SLC20A2: variants seen among roughly 807,000 people sequenced by gnomAD.
The protein encoded by SLC20A2 is sodium-dependent phosphate transporter 2.
Under a neutral mutation model 61.0 loss-of-function variants are expected in SLC20A2, and 30 were observed. That is an observed-to-expected ratio of 0.49 (90% CI 0.37 to 0.67). SLC20A2 has a LOEUF of 0.67. Ranked by LOEUF, SLC20A2 falls within the 30% of genes least tolerant of loss-of-function variation. SLC20A2 has a pLI of 0.00. For synonymous variants in SLC20A2, 351 were observed against 353.3 expected, an observed-to-expected ratio of 0.99 and a Z score of 0.07; for missense variants, 626 against 866.4, an observed-to-expected ratio of 0.72 and a Z score of 3.48.
At chr8:42,455,432 G>A (rs1488574042) in intron 5 of SLC20A2, among the ~76,000 whole-genome samples, 6 of 151,688 alleles carry the variant, frequency 4.0e-5, no homozygotes, top group African/African-American at 1.5e-4. Flanking sequence ...AGGCTGAGGC[G>A]GGCAGATCAT....
chr8:42,436,916 C>T (rs925009026), intron 8 of SLC20A2, 73 bp downstream of exon 8: 1 of 1,378,602 alleles, frequency 7.3e-7, no homozygotes, highest in South Asian at 1.4e-5. Context: ...TGCTGGATCC[C>T]GGCACCCGCA....
chr8:42,431,270 C>G (rs148994288), intron 8 of SLC20A2, among the ~76,000 whole-genome samples: 2 of 152,102 alleles, frequency 1.3e-5, no homozygotes, highest in Non-Finnish European at 2.9e-5. Flanking sequence ...AGCAAAACAG[C>G]CTTAGTGCTG....
intron 1 of SLC20A2, among the ~76,000 whole-genome samples, chr8:42,506,954 C>T (rs1810747086): frequency 6.6e-6 from 1 of 152,180 alleles, no homozygotes; most frequent in African/African-American, 2.4e-5. Context: ...CCCTGGCTTG[C>T]CTACTACAAA....
chr8:42,533,011 A>G (rs192516403), intron 1 of SLC20A2, among the ~76,000 whole-genome samples: 2 of 152,354 alleles, frequency 1.3e-5, no homozygotes, highest in African/African-American at 4.8e-5. Flanking sequence ...GAAAAATATA[A>G]AAGTGGGACC....
At chr8:42,525,492 G>A (rs1811864708) in intron 1 of SLC20A2, among the ~76,000 whole-genome samples, 1 of 142,946 alleles carries the variant, frequency 7.0e-6, no homozygotes, top group African/African-American at 2.6e-5. Context: ...TGAGGCAGGA[G>A]AATTGCTCAC....
chr8:42,451,384 AGAG>A (rs1343094512), intron 5 of SLC20A2, among the ~76,000 whole-genome samples: 5 of 145,932 alleles, frequency 3.4e-5, no homozygotes, highest in African/African-American at 1.0e-4. Flanking sequence ...GAAGAGATGA[AGAG>A]GAGGAGGAGG....
chr8:42,532,227 T>C (rs1466559679), intron 1 of SLC20A2, among the ~76,000 whole-genome samples: 2 of 152,222 alleles, frequency 1.3e-5, no homozygotes, highest in Non-Finnish European at 2.9e-5. Flanking sequence ...GAAGTACTGA[T>C]ACTTTTTATT....
intron 1 of SLC20A2, among the ~76,000 whole-genome samples, chr8:42,482,082 G>A (rs1418471598): frequency 6.6e-6 from 1 of 152,212 alleles, no homozygotes; most frequent in African/African-American, 2.4e-5. Flanking sequence ...AAAGTTAGAG[G>A]AGTTAGGATG....
chr8:42,437,649 T>A lies in SLC20A2; in HGVS notation c.935-72A>T. 1.6e-6 allele frequency: 2 copies of A among 1,283,622 alleles called. No homozygotes were observed. Among genetic ancestry groups the A allele is most frequent in the Non-Finnish European group, 2.1e-6 (2 of 955,328 alleles). 79.5% of individuals were successfully genotyped at this position (1,283,622 alleles called of 1,614,324 possible). On this transcript the variant is annotated intron_variant, in intron 7 of 10. Transcript: ENST00000520262. The surrounding 1 kb of genome is among the most constrained non-coding windows in gnomAD (Gnocchi z 6.4). ...TTTCTTTTCTTTTTGAGACGGAGCC[T>A]TGCTCTGTCCTCAGGGTGGAGTACA...
chr8:42,485,642 CAAAAAAAAA>C (rs941111189), intron 1 of SLC20A2, among the ~76,000 whole-genome samples: 2 of 27,846 alleles, frequency 7.2e-5, no homozygotes, highest in Non-Finnish European at 1.3e-4. Flanking sequence ...AACTCCGTCT[CAAAAAAAAA>C]AAAAAAAAAA....
intron 1 of SLC20A2, among the ~76,000 whole-genome samples, chr8:42,488,011 G>A (rs550581145): frequency 6.6e-6 from 1 of 152,258 alleles, no homozygotes; most frequent in Admixed American, 6.5e-5. Flanking sequence ...GTCCTTTTGT[G>A]ACTGGCTTAT....
chr8:42,489,279 T>A (rs1158043919), intron 1 of SLC20A2, among the ~76,000 whole-genome samples: 1 of 152,076 alleles, frequency 6.6e-6, no homozygotes, highest in Non-Finnish European at 1.5e-5. Flanking sequence ...TCTTCATGAA[T>A]ATTCTCTGTT....
At chr8:42,539,596 A>T (rs190630115) in intron 1 of SLC20A2, among the ~76,000 whole-genome samples, 163 of 149,994 alleles carry the variant, frequency 1.1e-3, no homozygotes, top group Non-Finnish European at 4.3e-4. Context: ...CTCATCAACA[A>T]AGTAATAGCC....
intron 5 of SLC20A2, among the ~76,000 whole-genome samples, chr8:42,456,125 TG>T (rs1563479323): frequency 6.6e-6 from 1 of 151,748 alleles, no homozygotes; most frequent in Admixed American, 6.6e-5. Context: ...AGCCAAAAGA[TG>T]GGGGAAAGAA....
At position 42,428,775 on chromosome 8, in the gene SLC20A2, TG is replaced by T; in HGVS notation, c.1776del (p.Ser593AlafsTer36). On this transcript the variant is annotated frameshift_variant, in exon 10 of 11. Transcript: ENST00000520262. LOFTEE classifies it high-confidence loss of function. Reference protein sequence around the residue: ...VVIASNIGLPVSTTHCKVGSV... With the variant: ...VVIASNIGLPXSTTHCKVGSV... Reference sequence around the variant, plus strand: ...GGGCCTACCTTACAGTGCGTGGTGCTGACTGGAAGCCCGATGTTGGAGGCGA... The same window carrying T: ...GGGCCTACCTTACAGTGCGTGGTGCTACTGGAAGCCCGATGTTGGAGGCGA... The T allele has an allele frequency of 6.2e-7, 1 of 1,611,744 alleles. No homozygotes were observed. The highest frequency in any genetic ancestry group is 8.5e-7 in the Non-Finnish European group (1 of 1,179,092).
rs118039456 is a variant in SLC20A2 at position 42,454,650 on chromosome 8, G to T, written c.613+5246C>A. The stretch of plus-strand genomic sequence containing the variant: ...TTTTTTTTTTTTGAGACAGGGCCTC[G>T]CTTTGTCATCTGGTTGAGTGCAGGG... On this transcript the variant is annotated intron_variant, in intron 5 of 10. Coordinates refer to ENST00000520262, the MANE Select transcript of SLC20A2 (RefSeq NM_001257180.2). Among the ~76,000 whole-genome samples the T allele has an allele frequency of 8.6e-5, 13 of 150,630 alleles. No homozygotes were observed. The South Asian group carries it at 2.5e-3, about 29-fold the overall frequency.
At chr8:42,491,156 T>C (rs571902655) in intron 1 of SLC20A2, among the ~76,000 whole-genome samples, 120 of 152,328 alleles carry the variant, frequency 7.9e-4, no homozygotes, top group African/African-American at 2.4e-3. Flanking sequence ...TCCCAGCACT[T>C]TGGGAGGCCG....
At chr8:42,489,068 C>T (rs1161997693) in intron 1 of SLC20A2, among the ~76,000 whole-genome samples, 1 of 151,210 alleles carries the variant, frequency 6.6e-6, no homozygotes, top group Non-Finnish European at 1.5e-5. Context: ...GCCTCCCGAG[C>T]AGCTGGGATT....
chr8:42,434,525 T>C (rs1404607501), intron 8 of SLC20A2, among the ~76,000 whole-genome samples: 8 of 152,094 alleles, frequency 5.3e-5, no homozygotes, highest in African/African-American at 1.9e-4. Context: ...ACTGAGTCAC[T>C]GAAACTGGAT....
Sources: gnomAD v4.1 joint callset for allele counts (sites outside exome capture counted in the v4.1 genomes callset) on GRCh38, gnomAD v4.1.1 for gene constraint, Gnocchi (gnomAD v3.1) non-coding constraint, MANE v1.5 for transcripts, NCBI Gene and HGNC (gene_info 2026-07-23, HGNC 2026-07-21) for gene names.